The following PPRC1 variants were observed in gnomAD, a reference collection of about 807,000 sequenced individuals.
PPRC1 encodes PPARG related coactivator 1.
A neutral mutation model predicts 132.5 loss-of-function variants in PPRC1; 23 were observed. That is an observed-to-expected ratio of 0.17 (90% CI 0.12 to 0.25). PPRC1 has a LOEUF of 0.25. Ranked by LOEUF, PPRC1 falls within the 10% of genes least tolerant of loss-of-function variation. PPRC1 has a pLI of 1.00. For synonymous variants in PPRC1, 872 were observed against 833.5 expected (o/e 1.05, Z -0.80); for missense variants, 2,006 against 2,089.1 (o/e 0.96, Z 0.78).
rs958028486 is a variant in PPRC1 at position 102,150,111 on chromosome 10, G to A, written c.*82G>A. ...CCCCCTTCCCCTACTCTAGGGGAGAGAGCTGCTAGTGAGATGACTGTTTTA... is the reference window on the plus strand; with the variant it reads ...CCCCCTTCCCCTACTCTAGGGGAGAAAGCTGCTAGTGAGATGACTGTTTTA... On this transcript the variant is annotated 3_prime_UTR_variant, in exon 14 of 14. Coordinates refer to ENST00000278070, the MANE Select transcript of PPRC1 (RefSeq NM_015062.5). 5 of 969,430 alleles carry A rather than the reference G, an allele frequency of 5.2e-6. No homozygotes were observed. The highest frequency in any genetic ancestry group is 4.3e-5 in the South Asian group (3 of 70,232). 60.1% of individuals were successfully genotyped at this position (969,430 alleles called of 1,614,324 possible). A position where few individuals can be genotyped will look rare whatever the true frequency, so the allele number is the denominator to read the frequency against.
chr10:102,144,846 C>T, intron 7 of PPRC1, 174 bp from the exon 8 acceptor site: 1 of 613,684 alleles, frequency 1.6e-6, no homozygotes, highest in South Asian at 2.0e-5. Context: ...CAGTTGAGAT[C>T]CAATTTGTAG....
At chr10:102,125,475 A>C in the PPRC1 span, among the ~76,000 whole-genome samples, 1 of 150,636 alleles carries the variant, frequency 6.6e-6, no homozygotes, top group South Asian at 2.1e-4. Flanking sequence ...GGCCAGGATG[A>C]TCTCGATCTC....
the PPRC1 span, chr10:102,120,501 C>A: frequency 4.0e-6 from 2 of 498,646 alleles, no homozygotes; most frequent in East Asian, 1.5e-4. Flanking sequence ...CCAAGCCGGG[C>A]AGGGCCGGGC....
rs1382983899 is a variant in PPRC1, at chr10:102,141,030, C to T, written c.2522C>T (p.Ser841Leu). The stretch of plus-strand genomic sequence containing the variant: ...CCACCTGTAAGCAAACCTGTGGCCT[C>T]ATCTCCCACTGAGCAGGTGCCATCC... ...PEPPVSKPVA[S>L]SPTEQVPSQE... Residue 841 changes from serine to leucine, a missense_variant, in exon 5 of 14, where the codon TCA (serine) becomes TTA (leucine). Ser to Leu is a moderately radical substitution (Grantham distance 145). Around this residue, in one of 2 missense-constraint regions of PPRC1, gnomAD observed 1,914 missense variants for 1,917.2 expected, o/e 1.00. Transcript: ENST00000278070. The T allele has an allele frequency of 1.9e-6, 3 of 1,614,176 alleles. No individual in the cohort carries two copies. The highest frequency in any genetic ancestry group is 1.1e-5 in the South Asian group (1 of 91,088).
chr10:102,137,847 C>G lies in PPRC1; in HGVS notation c.154-3C>G. ...ACCCTTCTCACCTTCTTCTCTGCTC[C>G]AGGTGCTGCTGCATGAGGAGGCGGG... On this transcript the variant is annotated splice_region_variant and splice_polypyrimidine_tract_variant and intron_variant, in intron 1 of 13. Coordinates refer to ENST00000278070, the MANE Select transcript of PPRC1 (RefSeq NM_015062.5). 2 of 1,613,106 alleles carry G rather than the reference C, an allele frequency of 1.2e-6. No individual in the cohort carries two copies. Among genetic ancestry groups the G allele is most frequent in the Non-Finnish European group, 1.7e-6 (2 of 1,179,544 alleles).
chr10:102,142,373 T>TTA (rs2069026346), intron 5 of PPRC1, among the ~76,000 whole-genome samples: 1 of 142,450 alleles, frequency 7.0e-6, no homozygotes, highest in Non-Finnish European at 1.5e-5. Flanking sequence ...AGTGCTGGGA[T>TTA]TATAGGCGTG....
At chr10:102,136,702 G>A (rs1590321257) in intron 1 of PPRC1, among the ~76,000 whole-genome samples, 2 of 152,088 alleles carry the variant, frequency 1.3e-5, no homozygotes, top group South Asian at 2.1e-4. Flanking sequence ...TGTATTGGTA[G>A]TATCTGTGGT....
chr10:102,132,971 T>C, upstream of PPRC1: 2 of 1,229,086 alleles, frequency 1.6e-6, no homozygotes, highest in Non-Finnish European at 2.0e-6. Flanking sequence ...GGATTCGTAG[T>C]CTTGCAGTGT....
chr10:102,142,880 GGGTT>G (rs1245569178), intron 5 of PPRC1, 161 bp from the exon 6 acceptor site: 2 of 544,206 alleles, frequency 3.7e-6, no homozygotes, highest in Non-Finnish European at 6.6e-6. Context: ...GCAGAGCCCT[GGGTT>G]GGTTTGAATC....
Position 102,141,682 on chromosome 10 carries a change from G to T in PPRC1, c.3174G>T (p.Lys1058Asn). Reference protein sequence around the residue: ...PQTEPTKVEVKPVPASPHPKH... With the variant: ...PQTEPTKVEVNPVPASPHPKH... ...CAGAGCCTACCAAGGTGGAGGTCAA[G>T]CCAGTGCCTGCATCTCCCCATCCGA... is the stretch of plus-strand genomic sequence containing the variant. Residue 1058 changes from lysine (K) to asparagine (N), a missense_variant, in exon 5 of 14, where the codon AAG becomes AAT. Physicochemically the swap from Lys to Asn is moderately conservative, Grantham distance 94. This residue lies in a region of PPRC1 where 1,914 missense variants were observed against 1,917.2 expected (regional missense o/e 1.00). Transcript: ENST00000278070. 1 of 1,614,092 alleles carries T rather than the reference G, an allele frequency of 6.2e-7. No individual in the cohort carries two copies. Among genetic ancestry groups the T allele is most frequent in the Non-Finnish European group, 8.5e-7 (1 of 1,179,972 alleles).
chr10:102,141,974 G>A lies in PPRC1; in HGVS notation c.3466G>A (p.Asp1156Asn), dbSNP rs2069004352. ...LPTPRTQGSEDVVQAFISEIG... is the reference protein window; with the variant it reads ...LPTPRTQGSENVVQAFISEIG... ...TACCCCACGTACTCAGGGTTCTGAA[G>A]ATGTGGTACAGGCTTTCATCAGTGA... The change falls in exon 5 of 14, where the codon GAT becomes AAT. Residue 1156 changes from aspartate to asparagine, a missense_variant. Around this residue, in one of 2 missense-constraint regions of PPRC1, gnomAD observed 1,914 missense variants for 1,917.2 expected, o/e 1.00. Transcript: ENST00000278070. The A allele has an allele frequency of 1.9e-6, 3 of 1,613,234 alleles. No individual in the cohort carries two copies. The highest frequency in any genetic ancestry group is 2.5e-6 in the Non-Finnish European group (3 of 1,179,450).
At chr10:102,146,057 C>T (rs1240362872) in intron 8 of PPRC1, among the ~76,000 whole-genome samples, 1 of 152,148 alleles carries the variant, frequency 6.6e-6, no homozygotes, top group African/African-American at 2.4e-5. Context: ...ACAAAACCAA[C>T]TGGGTATGTT....
chr10:102,121,633 G>T, the PPRC1 span, among the ~76,000 whole-genome samples: 4 of 152,152 alleles, frequency 2.6e-5, no homozygotes, highest in African/African-American at 9.7e-5. Flanking sequence ...GAGGGGAGCC[G>T]CCTGGAGTAG....
chr10:102,145,000 C>G lies in PPRC1; in HGVS notation c.3609-20C>G. The G allele has an allele frequency of 6.9e-7, 1 of 1,450,050 alleles. No homozygotes were observed. The highest frequency in any genetic ancestry group is 9.1e-7 in the Non-Finnish European group (1 of 1,096,194). 89.8% of individuals were successfully genotyped at this position (1,450,050 alleles called of 1,614,324 possible). On this transcript the variant is annotated intron_variant, in intron 7 of 13. Coordinates refer to ENST00000278070, the MANE Select transcript of PPRC1 (RefSeq NM_015062.5). ...TTGAGAAGGCAATGAATCAGGCTTT[C>G]CCTTTTCCCCCCCCGCCAGCGGCGT...
chr10:102,148,452 C>T lies in PPRC1; in HGVS notation c.4481C>T (p.Ser1494Phe). ...SSSSSSSSSS[S>F]SSSSSRSRSR... is the part of the protein sequence containing the mutation. Reference sequence around the variant, plus strand: ...TCATCTTCCTCTTCGTCTTCCTCATCCTCATCATCCAGTTCTCGAAGCCGC... The same window carrying T: ...TCATCTTCCTCTTCGTCTTCCTCATTCTCATCATCCAGTTCTCGAAGCCGC... Residue 1494 changes from serine to phenylalanine, a missense_variant, in exon 10 of 14, where the codon TCC (serine) becomes TTC (phenylalanine). This residue lies in a region of PPRC1 where 1,914 missense variants were observed against 1,917.2 expected (regional missense o/e 1.00). Coordinates refer to ENST00000278070, the MANE Select transcript of PPRC1 (RefSeq NM_015062.5). This position sits in a 1 kb window ranked among gnomAD's most constrained non-coding sequence, Gnocchi z 4.2. The T allele has an allele frequency of 6.2e-7, 1 of 1,611,806 alleles. No individual in the cohort carries two copies.
At chr10:102,123,623 GT>G in the PPRC1 span, among the ~76,000 whole-genome samples, 3 of 151,818 alleles carry the variant, frequency 2.0e-5, no homozygotes, top group African/African-American at 7.3e-5. Context: ...CACCTCTCCA[GT>G]TCAAGCAATT....
intron 9 of PPRC1, among the ~76,000 whole-genome samples, chr10:102,147,903 A>G (rs914574281): frequency 3.9e-5 from 6 of 152,062 alleles, no homozygotes; most frequent in African/African-American, 1.4e-4. Flanking sequence ...TGGAGATGAT[A>G]TATGTCTTCA....
rs759014861 is a variant in PPRC1, at chr10:102,148,391, G to A, written c.4420G>A (p.Gly1474Arg). 1.2e-6 allele frequency: 2 copies of A among 1,613,264 alleles called. No homozygotes were observed. The highest frequency in any genetic ancestry group is 2.2e-5 in the East Asian group (1 of 44,868). ...CTTCAGGTCCAGCTGTAGTTCCTCT[G>A]GACGTTCTCGAAGATGCTCTTCCTC... The part of the protein sequence containing the change: ...RWRRSSCSSS[G>R]RSRRCSSSSS... The change falls in exon 10 of 14, where the codon GGA becomes AGA. Residue 1474 changes from glycine to arginine, a missense_variant. Gly to Arg is a moderately radical substitution (Grantham distance 125). Coordinates refer to ENST00000278070, the MANE Select transcript of PPRC1 (RefSeq NM_015062.5). The surrounding 1 kb of genome is among the most constrained non-coding windows in gnomAD (Gnocchi z 4.2).
Position 102,139,659 on chromosome 10 carries a change from G to A in PPRC1, c.1151G>A (p.Ser384Asn), listed in dbSNP as rs1367044670. The A allele has an allele frequency of 6.2e-7, 1 of 1,613,944 alleles. No individual in the cohort carries two copies. The highest frequency in any genetic ancestry group is 8.5e-7 in the Non-Finnish European group (1 of 1,180,052). ...PVLLDDSLET[S>N]SALQLLMPTL... ...CTCCTGGATGACTCGCTAGAGACTA[G>A]TTCTGCCTTGCAGCTGCTTATGCCT... is the stretch of plus-strand genomic sequence containing the variant. The change falls in exon 5 of 14, where the codon AGT becomes AAT. Residue 384 changes from serine (S) to asparagine (N), a missense_variant. Around this residue, in one of 2 missense-constraint regions of PPRC1, gnomAD observed 1,914 missense variants for 1,917.2 expected, o/e 1.00. Transcript: ENST00000278070.
Sources: gnomAD v4.1 joint callset for allele counts (sites outside exome capture counted in the v4.1 genomes callset) on GRCh38, gnomAD v4.1.1 for gene constraint, gnomAD v4.1.1 regional missense constraint, Gnocchi (gnomAD v3.1) non-coding constraint, MANE v1.5 for transcripts, NCBI Gene and HGNC (gene_info 2026-07-23, HGNC 2026-07-21) for gene names.